The following MTMR7 variants were observed in gnomAD, a reference collection of about 807,000 sequenced individuals.
The protein encoded by MTMR7 is myotubularin related protein 7.
MTMR7 carries 76 observed loss-of-function variants against 81.2 expected under a neutral mutation model. The observed-to-expected ratio is 0.94, with a 90% confidence interval of 0.78 to 1.13. MTMR7 has a LOEUF of 1.13. Ranked by LOEUF, MTMR7 falls within the 50% of genes most tolerant of loss-of-function variation. MTMR7 has a pLI of 0.00. For missense variants in MTMR7, 1,044 were observed against 820.0 expected, an observed-to-expected ratio of 1.27 and a Z score of -3.34; for synonymous variants, 372 against 289.8, an observed-to-expected ratio of 1.28 and a Z score of -2.88.
intron 1 of MTMR7, among the ~76,000 whole-genome samples, chr8:17,382,888 T>C (rs1348352089): frequency 6.6e-6 from 1 of 152,228 alleles, no homozygotes; most frequent in Non-Finnish European, 1.5e-5. Flanking sequence ...AATGTAGTTC[T>C]ATTACATTGT....
chr8:17,401,996 T>A (rs1040627660), intron 1 of MTMR7, among the ~76,000 whole-genome samples: 10 of 152,244 alleles, frequency 6.6e-5, no homozygotes, highest in Admixed American at 6.5e-5. Flanking sequence ...AAATCATGTA[T>A]ACTTTACAAA....
chr8:17,303,411 T>A (rs1373152544), intron 12 of MTMR7, among the ~76,000 whole-genome samples: 2 of 152,146 alleles, frequency 1.3e-5, no homozygotes, highest in African/African-American at 4.8e-5. Context: ...ATCAAGTCTG[T>A]GTCGGGAGTG....
intron 12 of MTMR7, chr8:17,302,540 A>G (rs1471236603): frequency 3.0e-6 from 1 of 334,612 alleles, no homozygotes; most frequent in Non-Finnish European, 5.3e-6. Context: ...TTTTTCTAAA[A>G]TTAAAATAGT....
At chr8:17,356,450 A>G (rs1819892743) in intron 4 of MTMR7, among the ~76,000 whole-genome samples, 1 of 152,094 alleles carries the variant, frequency 6.6e-6, no homozygotes, top group Non-Finnish European at 1.5e-5. Context: ...TGTAATCCCA[A>G]CATTTTGGGA....
At chr8:17,302,339 C>T in intron 12 of MTMR7, 59 bp from the exon 13 acceptor site, 2 of 1,550,730 alleles carry the variant, frequency 1.3e-6, no homozygotes, top group Non-Finnish European at 1.7e-6. Context: ...AATTCACATC[C>T]TCAAGTCTTC....
At chr8:17,375,371 T>C (rs1487838153) in intron 1 of MTMR7, among the ~76,000 whole-genome samples, 1 of 152,130 alleles carries the variant, frequency 6.6e-6, no homozygotes, top group East Asian at 1.9e-4. Context: ...TAAATATCTG[T>C]ACTTATACAA....
At chr8:17,408,577 G>T (rs569647059) in intron 1 of MTMR7, among the ~76,000 whole-genome samples, 2 of 152,038 alleles carry the variant, frequency 1.3e-5, no homozygotes, top group Admixed American at 6.5e-5. Context: ...CTGAGAGATG[G>T]GGGCAAGTGG....
At chr8:17,413,233 TC>T (rs1166228492) in intron 1 of MTMR7, 35 bp downstream of exon 1, 2 of 1,542,388 alleles carry the variant, frequency 1.3e-6, no homozygotes, top group Middle Eastern at 1.7e-4. Context: ...CCCCATCTCC[TC>T]CCGTCCCTCC....
intron 1 of MTMR7, among the ~76,000 whole-genome samples, chr8:17,405,740 A>G (rs1821559338): frequency 6.6e-6 from 1 of 152,038 alleles, no homozygotes; most frequent in South Asian, 2.1e-4. Context: ...AATGTGGACT[A>G]TGTGGTTAAA....
intron 3 of MTMR7, among the ~76,000 whole-genome samples, chr8:17,370,635 G>A (rs144415558): frequency 6.7e-6 from 1 of 149,550 alleles, no homozygotes; most frequent in African/African-American, 2.5e-5. Context: ...AGCATCAAGA[G>A]GGAGAAAACT....
At chr8:17,379,117 C>G (rs1296000997) in intron 1 of MTMR7, among the ~76,000 whole-genome samples, 1 of 152,118 alleles carries the variant, frequency 6.6e-6, no homozygotes, top group Admixed American at 6.5e-5. Context: ...GAGGGAGTGT[C>G]TATGTCAAAT....
intron 1 of MTMR7, among the ~76,000 whole-genome samples, chr8:17,383,691 G>T (rs752560299): frequency 1.3e-5 from 2 of 152,094 alleles, no homozygotes; most frequent in Non-Finnish European, 2.9e-5. Flanking sequence ...AAAAGATTTG[G>T]TATCTGGTAC....
intron 1 of MTMR7, among the ~76,000 whole-genome samples, chr8:17,386,191 T>C (rs1354908548): frequency 6.6e-6 from 1 of 152,022 alleles, no homozygotes; most frequent in African/African-American, 2.4e-5. Flanking sequence ...GTCCAGATCA[T>C]GCAGTGAGAC....
chr8:17,307,506 T>C (rs1449737861), intron 10 of MTMR7, among the ~76,000 whole-genome samples: 2 of 152,128 alleles, frequency 1.3e-5, no homozygotes, highest in Non-Finnish European at 2.9e-5. Context: ...GAACTAGAAA[T>C]ACCATTTGAC....
At chr8:17,370,100 A>T (rs1820367863) in intron 3 of MTMR7, among the ~76,000 whole-genome samples, 1 of 152,064 alleles carries the variant, frequency 6.6e-6, no homozygotes, top group South Asian at 2.1e-4. Flanking sequence ...ATATTTTTCA[A>T]ATCCAAATGT....
chr8:17,389,889 G>C (rs1011429696), intron 1 of MTMR7, among the ~76,000 whole-genome samples: 7 of 152,078 alleles, frequency 4.6e-5, no homozygotes, highest in African/African-American at 1.4e-4. Context: ...TCGACACCAA[G>C]TCACATTAAA....
intron 3 of MTMR7, among the ~76,000 whole-genome samples, chr8:17,368,201 T>C (rs574006678): frequency 1.3e-5 from 2 of 152,210 alleles, no homozygotes; most frequent in East Asian, 3.9e-4. Context: ...CCTAAGAGAA[T>C]TAATGCCACG....
intron 1 of MTMR7, among the ~76,000 whole-genome samples, chr8:17,378,537 T>C (rs1255733172): frequency 6.6e-6 from 1 of 152,206 alleles, no homozygotes; most frequent in Non-Finnish European, 1.5e-5. Context: ...AGGCCAGTTT[T>C]ATACTTAGGG....
intron 6 of MTMR7, among the ~76,000 whole-genome samples, chr8:17,331,614 C>T (rs1254307660): frequency 6.6e-6 from 1 of 152,146 alleles, no homozygotes; most frequent in Non-Finnish European, 1.5e-5. Flanking sequence ...CCAAGTAGTC[C>T]AATTTAATAC....
Sources: allele counts gnomAD v4.1 joint callset (sites outside exome capture counted in the v4.1 genomes callset), GRCh38; gene constraint gnomAD v4.1.1; transcripts MANE v1.5; gene names NCBI Gene and HGNC (gene_info 2026-07-23, HGNC 2026-07-21).